EPSTI1: variants seen among roughly 807,000 people sequenced by gnomAD.
EPSTI1 encodes the protein epithelial stromal interaction 1, also known as epithelial-stromal interaction protein 1.
Under a neutral mutation model 49.9 loss-of-function variants are expected in EPSTI1, and 66 were observed. The observed-to-expected ratio is 1.32, with a 90% CI of 1.08 to 1.62. The LOEUF (loss-of-function observed/expected upper bound fraction) is 1.62, where lower values mean the gene tolerates loss of function less well. Among genes scored for constraint, EPSTI1 ranks in the 40% most tolerant of loss-of-function variants. The pLI is 0.00. For synonymous variants in EPSTI1, 137 were observed against 130.7 expected (o/e 1.05, Z -0.33); for missense variants, 394 against 365.5 (o/e 1.08, Z -0.64).
chr13:42,911,335 T>C (rs2037680781), intron 8 of EPSTI1, among the ~76,000 whole-genome samples: 1 of 152,082 alleles, frequency 6.6e-6, no homozygotes, highest in South Asian at 2.1e-4. Context: ...ATCATGGGGA[T>C]AGTGAAATAA....
chr13:42,950,102 T>C (rs1410380282), intron 6 of EPSTI1, among the ~76,000 whole-genome samples: 1 of 152,230 alleles, frequency 6.6e-6, no homozygotes. Flanking sequence ...TAACTGCCGA[T>C]TTCTACCCTC....
At chr13:42,962,617 T>C (rs903458477) in intron 5 of EPSTI1, among the ~76,000 whole-genome samples, 1 of 44,256 alleles carries the variant, frequency 2.3e-5, no homozygotes, top group Non-Finnish European at 5.0e-5. Context: ...CTACAAAAAA[T>C]ACAAAAAAAA....
At chr13:42,893,456 G>A (rs2037097657) in intron 10 of EPSTI1, among the ~76,000 whole-genome samples, 1 of 152,188 alleles carries the variant, frequency 6.6e-6, no homozygotes, top group African/African-American at 2.4e-5. Context: ...TTTAAGTAAG[G>A]AAAGCACTGA....
intron 1 of EPSTI1, among the ~76,000 whole-genome samples, chr13:42,982,403 C>A (rs2040001498): frequency 6.6e-6 from 1 of 152,232 alleles, no homozygotes; most frequent in South Asian, 2.1e-4. Context: ...AACCAGCAAG[C>A]CTTGGGGCTG....
intron 7 of EPSTI1, among the ~76,000 whole-genome samples, chr13:42,921,912 T>C (rs1414202970): frequency 1.3e-5 from 2 of 151,312 alleles, no homozygotes; most frequent in African/African-American, 2.4e-5. Context: ...AGTTGGAAAA[T>C]TGTTTAGAAA....
At chr13:42,904,417 G>A (rs541998089) in intron 8 of EPSTI1, among the ~76,000 whole-genome samples, 8 of 152,254 alleles carry the variant, frequency 5.3e-5, no homozygotes, top group African/African-American at 7.2e-5. Flanking sequence ...TTGTATTGAC[G>A]AAAATCAGAA....
chr13:42,981,548 C>G (rs2039986850), intron 1 of EPSTI1, among the ~76,000 whole-genome samples: 1 of 152,172 alleles, frequency 6.6e-6, no homozygotes, highest in Non-Finnish European at 1.5e-5. Context: ...ACCACAAATG[C>G]GTACCATACT....
chr13:42,978,197 C>G (rs1203579184), intron 1 of EPSTI1, among the ~76,000 whole-genome samples: 2 of 151,598 alleles, frequency 1.3e-5, no homozygotes, highest in Non-Finnish European at 2.9e-5. Context: ...GAGGACGCAC[C>G]CATGACACAG....
At position 42,926,990 on chromosome 13, in the gene EPSTI1, GACACACACAC is replaced by G. The variant is rs10529424; in HGVS notation, c.564-571_564-562del. On this transcript the variant is annotated intron_variant, in intron 6 of 10. Transcript: ENST00000313624. ...AGCAAAAGTGAACCCTCTGTTAACA[GACACACACAC>G]ACACACACACACACACACACACACA... Among the ~76,000 whole-genome samples the G allele has an allele frequency of 1.5e-3, 224 of 144,682 alleles. 2 individuals carry two copies. Among genetic ancestry groups the G allele is most frequent in the African/African-American group, 3.2e-3 (124 of 38,838 alleles). The allele number at this position is 144,682 out of a possible 152,430, so 94.9% of individuals were successfully genotyped here.
chr13:42,975,551 T>C (rs2039864457), intron 1 of EPSTI1, among the ~76,000 whole-genome samples: 1 of 152,124 alleles, frequency 6.6e-6, no homozygotes, highest in African/African-American at 2.4e-5. Context: ...AGGATGCCTT[T>C]AAGAAAATGA....
intron 8 of EPSTI1, among the ~76,000 whole-genome samples, chr13:42,902,022 G>C (rs972428034): frequency 8.6e-5 from 13 of 150,806 alleles, no homozygotes; most frequent in African/African-American, 3.2e-4. Flanking sequence ...GCGGTGTTTG[G>C]TTTTTTGTTC....
intron 8 of EPSTI1, 115 bp downstream of exon 8, chr13:42,917,426 G>A (rs1195163596): frequency 2.4e-5 from 22 of 924,482 alleles, no homozygotes; most frequent in East Asian, 7.3e-5. Context: ...TTCAATGCTT[G>A]TATTCTTGTT....
intron 9 of EPSTI1, 76 bp downstream of exon 9, chr13:42,900,234 G>T: frequency 7.8e-7 from 1 of 1,284,570 alleles, no homozygotes. Flanking sequence ...TTATCGTAAT[G>T]CTTTCCTAAA....
In EPSTI1 at chr13:42,886,556, C is replaced by T. The variant is rs929326055; in HGVS notation, c.*1938G>A. ...AAAATTAAGCATAGAAATGGTGGAACTTTGGGATTTCCTGTCCAGTCACCT... is the reference window on the plus strand; with the variant it reads ...AAAATTAAGCATAGAAATGGTGGAATTTTGGGATTTCCTGTCCAGTCACCT... On this transcript the variant is annotated 3_prime_UTR_variant, in exon 11 of 11. Transcript: ENST00000313624. 1 of 151,334 alleles carries T rather than the reference C, an allele frequency of 6.6e-6. No individual in the cohort carries two copies. Among genetic ancestry groups the T allele is most frequent in the Non-Finnish European group, 1.5e-5 (1 of 67,882 alleles). The allele number at this position is 151,334 out of a possible 1,614,324, so 9.4% of individuals were successfully genotyped here.
At chr13:42,926,230 G>T in intron 7 of EPSTI1, 106 bp downstream of exon 7, 1 of 760,380 alleles carries the variant, frequency 1.3e-6, no homozygotes, top group Non-Finnish European at 2.4e-6. Flanking sequence ...TCTGTCTTTA[G>T]TTCCAGCATT....
rs1286312474 is a variant in EPSTI1, at chr13:42,886,960, A to C, written c.*1534T>G. On this transcript the variant is annotated 3_prime_UTR_variant, in exon 11 of 11. Coordinates refer to ENST00000313624, the MANE Select transcript of EPSTI1 (RefSeq NM_033255.5). ...TGCTGGAAAATGCAGCAAGTGAGGC[A>C]CACCAAGCATAGACGCAAAAATCGG... The C allele has an allele frequency of 2.0e-5, 3 of 147,288 alleles. No individual in the cohort carries two copies. Among genetic ancestry groups the C allele is most frequent in the Admixed American group, 6.8e-5 (1 of 14,742 alleles). The allele number at this position is 147,288 out of a possible 1,614,324, so 9.1% of individuals were successfully genotyped here.
chr13:42,896,037 C>G (rs928318588), intron 9 of EPSTI1, among the ~76,000 whole-genome samples: 5 of 152,140 alleles, frequency 3.3e-5, no homozygotes, highest in African/African-American at 1.2e-4. Flanking sequence ...GATTAGGGAA[C>G]TTTGAGGCAA....
intron 6 of EPSTI1, among the ~76,000 whole-genome samples, chr13:42,939,463 T>C (rs2038681017): frequency 6.6e-6 from 1 of 152,214 alleles, no homozygotes; most frequent in Non-Finnish European, 1.5e-5. Context: ...TGAATGCTTA[T>C]GGGCCATTGT....
chr13:42,942,498 G>A (rs962474672), intron 6 of EPSTI1, among the ~76,000 whole-genome samples: 1 of 151,604 alleles, frequency 6.6e-6, no homozygotes, highest in Non-Finnish European at 1.5e-5. Context: ...CATATAATAA[G>A]CACATTTATT....
Sources: allele counts gnomAD v4.1 joint callset (sites outside exome capture counted in the v4.1 genomes callset), GRCh38; gene constraint gnomAD v4.1.1; transcripts MANE v1.5; gene names NCBI Gene and HGNC (gene_info 2026-07-23, HGNC 2026-07-21).